The following ROR1 variants were observed in gnomAD, a reference collection of about 807,000 sequenced individuals.
The protein encoded by ROR1 is ROR family WNT receptor 1.
A neutral mutation model predicts 78.8 loss-of-function variants in ROR1; 19 were observed. The observed-to-expected ratio is 0.24, with a 90% CI of 0.17 to 0.35. The LOEUF (loss-of-function observed/expected upper bound fraction) is 0.35. ROR1 is among the 10% of genes least tolerant of loss of function. The probability of loss-of-function intolerance (pLI) is 1.00; values close to 1 mark genes in which losing one functional copy is unlikely to be tolerated. For missense variants in ROR1, 917 were observed against 1,177.8 expected, an observed-to-expected ratio of 0.78 and a Z score of 3.24; for synonymous variants, 386 against 433.6, an observed-to-expected ratio of 0.89 and a Z score of 1.36.
chr1:64,140,779 A>G (rs1339579949), intron 6 of ROR1, among the ~76,000 whole-genome samples: 1 of 152,240 alleles, frequency 6.6e-6, no homozygotes, highest in Non-Finnish European at 1.5e-5. Flanking sequence ...TACAATAGCC[A>G]AAAGGTGGAA....
chr1:63,826,566 GTCTTTATAATAGAATGATT>G (rs1644954828), intron 1 of ROR1, among the ~76,000 whole-genome samples: 1 of 152,052 alleles, frequency 6.6e-6, no homozygotes, highest in Non-Finnish European at 1.5e-5. Flanking sequence ...GCATGCCTGT[GTCTTTATAATAGAATGATT>G]TCTATTCCTT....
At chr1:63,867,402 GC>G (rs1355398425) in intron 1 of ROR1, among the ~76,000 whole-genome samples, 2 of 152,136 alleles carry the variant, frequency 1.3e-5, no homozygotes, top group East Asian at 3.9e-4. Context: ...GAGATGGCGA[GC>G]CCAGTTTTCT....
rs374008125 is a variant in ROR1 at position 63,863,174 on chromosome 1, A to C, written c.91+88666A>C. Among the ~76,000 whole-genome samples, 49 of 152,294 alleles carry C rather than the reference A, an allele frequency of 3.2e-4. No homozygotes were observed. The South Asian group carries it at 1.0e-2, about 31-fold the overall frequency. On this transcript the variant is annotated intron_variant, in intron 1 of 8. Transcript: ENST00000371079. ...TCATCTTTCAGTGAAGGAGGTAACT[A>C]TCTCTTCTTTCTTGAGTTAAAATAA...
chr1:64,052,338 G>T (rs1356213648), intron 4 of ROR1, among the ~76,000 whole-genome samples: 1 of 152,130 alleles, frequency 6.6e-6, no homozygotes, highest in East Asian at 1.9e-4. Context: ...TTTCAAATGT[G>T]GCTGATAATC....
intron 8 of ROR1, among the ~76,000 whole-genome samples, chr1:64,176,228 T>C (rs1444365687): frequency 6.6e-6 from 1 of 152,122 alleles, no homozygotes; most frequent in South Asian, 2.1e-4. Flanking sequence ...GGGATATACG[T>C]TGGTATGAAG....
At chr1:63,863,773 A>ATTGTC (rs1645197414) in intron 1 of ROR1, among the ~76,000 whole-genome samples, 1 of 150,520 alleles carries the variant, frequency 6.6e-6, no homozygotes. Context: ...ATTGTATTGT[A>ATTGTC]TTGTATTGTA....
At chr1:63,855,780 C>T (rs1386420774) in intron 1 of ROR1, among the ~76,000 whole-genome samples, 2 of 151,518 alleles carry the variant, frequency 1.3e-5, no homozygotes, top group Non-Finnish European at 2.9e-5. Context: ...TCCCAAGTAG[C>T]TGGGACTATA....
intron 7 of ROR1, among the ~76,000 whole-genome samples, chr1:64,150,761 CAAAGT>C (rs901779958): frequency 1.4e-4 from 22 of 152,192 alleles, no homozygotes; most frequent in African/African-American, 9.6e-5. Context: ...TTTTCAACAA[CAAAGT>C]AAAGAACAAT....
At chr1:63,775,845 C>T (rs902283074) in intron 1 of ROR1, among the ~76,000 whole-genome samples, 1 of 152,116 alleles carries the variant, frequency 6.6e-6, no homozygotes, top group African/African-American at 2.4e-5. Flanking sequence ...TCTGAAAGCT[C>T]CTGGGGGTAA....
At chr1:63,835,474 C>T (rs568685380) in intron 1 of ROR1, among the ~76,000 whole-genome samples, 1 of 152,286 alleles carries the variant, frequency 6.6e-6, no homozygotes, top group Admixed American at 6.5e-5. Flanking sequence ...AGAGGAAGTC[C>T]CTACCTATAA....
chr1:63,883,572 G>T (rs982631248), intron 1 of ROR1, among the ~76,000 whole-genome samples: 6 of 152,178 alleles, frequency 3.9e-5, no homozygotes, highest in African/African-American at 1.4e-4. Flanking sequence ...CTGAGCTTTT[G>T]TTAAAACCTG....
At chr1:63,811,892 T>C (rs1418402972) in intron 1 of ROR1, among the ~76,000 whole-genome samples, 1 of 151,790 alleles carries the variant, frequency 6.6e-6, no homozygotes, top group Non-Finnish European at 1.5e-5. Flanking sequence ...GGGCTCTATG[T>C]CCTTAGGTCC....
intron 1 of ROR1, among the ~76,000 whole-genome samples, chr1:63,798,997 T>G (rs994326423): frequency 1.3e-5 from 2 of 152,174 alleles, no homozygotes; most frequent in Non-Finnish European, 2.9e-5. Flanking sequence ...CCTCTTTCTT[T>G]TATTGATTCA....
intron 1 of ROR1, among the ~76,000 whole-genome samples, chr1:63,946,218 T>G (rs1645887969): frequency 1.3e-5 from 2 of 152,174 alleles, no homozygotes; most frequent in Non-Finnish European, 2.9e-5. Context: ...CACTATAATA[T>G]TCAACCTAAT....
At chr1:64,080,427 C>T (rs1485630425) in intron 4 of ROR1, among the ~76,000 whole-genome samples, 1 of 152,116 alleles carries the variant, frequency 6.6e-6, no homozygotes, top group Non-Finnish European at 1.5e-5. Flanking sequence ...TTAAGTCTTC[C>T]TTCTAAATCA....
chr1:63,894,373 CTA>C (rs1318942438), intron 1 of ROR1, among the ~76,000 whole-genome samples: 1 of 152,162 alleles, frequency 6.6e-6, no homozygotes, highest in African/African-American at 2.4e-5. Flanking sequence ...GGGGAGACTA[CTA>C]TATTCTAAAA....
chr1:64,126,999 A>G (rs942114643), intron 4 of ROR1, among the ~76,000 whole-genome samples: 1 of 152,126 alleles, frequency 6.6e-6, no homozygotes, highest in African/African-American at 2.4e-5. Flanking sequence ...GAGTCTAGGC[A>G]GTGTAGAACA....
At chr1:64,116,957 C>T (rs191758969) in intron 4 of ROR1, among the ~76,000 whole-genome samples, 14 of 152,224 alleles carry the variant, frequency 9.2e-5, no homozygotes, top group African/African-American at 2.9e-4. Flanking sequence ...TATCTTGTCT[C>T]TCCAGAAACG....
intron 4 of ROR1, among the ~76,000 whole-genome samples, chr1:64,117,666 G>A (rs1187323440): frequency 6.6e-6 from 1 of 152,176 alleles, no homozygotes; most frequent in Non-Finnish European, 1.5e-5. Context: ...GTGGAAGTAA[G>A]TATTCCCATT....
Sources: gnomAD v4.1 joint callset for allele counts (sites outside exome capture counted in the v4.1 genomes callset) on GRCh38, gnomAD v4.1.1 for gene constraint, MANE v1.5 for transcripts, NCBI Gene and HGNC (gene_info 2026-07-23, HGNC 2026-07-21) for gene names.